The following ADAM7 variants were observed in gnomAD, a reference collection of about 807,000 sequenced individuals.
ADAM7 encodes ADAM metallopeptidase domain 7.
In ADAM7, 97 loss-of-function variants were observed where a neutral mutation model predicts 102.9. The ratio of observed to expected loss-of-function variants is 0.94; its 90% confidence interval spans 0.80 to 1.12. The LOEUF (loss-of-function observed/expected upper bound fraction) is 1.12, where lower values mean the gene tolerates loss of function less well. Among genes scored for constraint, ADAM7 ranks in the 50% most tolerant of loss-of-function variants. The probability of loss-of-function intolerance (pLI) is 0.00; values close to 1 mark genes in which losing one functional copy is unlikely to be tolerated. For synonymous variants in ADAM7, 334 were observed against 304.4 expected (o/e 1.10, Z -1.01); for missense variants, 991 against 908.7 (o/e 1.09, Z -1.16).
intron 2 of ADAM7, among the ~76,000 whole-genome samples, chr8:24,444,267 TAATA>T (rs976253160): frequency 4.9e-4 from 73 of 150,316 alleles, no homozygotes; most frequent in African/African-American, 1.4e-3. Flanking sequence ...AAATAATATA[TAATA>T]AATAAATAAA....
At chr8:24,482,374 A>T (rs1819981395) in intron 9 of ADAM7, 63 bp downstream of exon 9, 3 of 1,461,286 alleles carry the variant, frequency 2.1e-6, no homozygotes, top group Non-Finnish European at 2.7e-6. Flanking sequence ...AAACAAAAAA[A>T]AATTAACAGA....
At chr8:24,472,639 T>C (rs1228675826) in intron 7 of ADAM7, among the ~76,000 whole-genome samples, 3 of 152,094 alleles carry the variant, frequency 2.0e-5, no homozygotes, top group Non-Finnish European at 2.9e-5. Flanking sequence ...ATTTAAACAG[T>C]TTTATTAAGA....
At chr8:24,453,444 G>A (rs1386504064) in intron 3 of ADAM7, among the ~76,000 whole-genome samples, 14 of 151,654 alleles carry the variant, frequency 9.2e-5, no homozygotes, top group Non-Finnish European at 1.8e-4. Flanking sequence ...TGATCACATC[G>A]GCTCCTGAGG....
chr8:24,499,392 G>C, intron 17 of ADAM7, 76 bp downstream of exon 17: 6 of 989,092 alleles, frequency 6.1e-6, no homozygotes, highest in Non-Finnish European at 8.8e-6. Context: ...ATATGTGCAT[G>C]TATATGTATG....
At chr8:24,443,836 G>A (rs1214034383) in intron 2 of ADAM7, among the ~76,000 whole-genome samples, 1 of 152,024 alleles carries the variant, frequency 6.6e-6, no homozygotes, top group Non-Finnish European at 1.5e-5. Flanking sequence ...TACTCCGGAG[G>A]CTGAGGTGAA....
At chr8:24,463,357 T>C (rs920559558) in intron 3 of ADAM7, among the ~76,000 whole-genome samples, 4 of 152,116 alleles carry the variant, frequency 2.6e-5, no homozygotes, top group Admixed American at 1.3e-4. Flanking sequence ...TCACTATAGA[T>C]ATAGAGACCA....
At chr8:24,450,704 G>C (rs1303810490) in intron 3 of ADAM7, among the ~76,000 whole-genome samples, 1 of 151,572 alleles carries the variant, frequency 6.6e-6, no homozygotes, top group African/African-American at 2.4e-5. Context: ...GGAGTGGTGA[G>C]AGAGGGCATC....
intron 9 of ADAM7, among the ~76,000 whole-genome samples, chr8:24,482,995 C>A (rs1820011901): frequency 6.6e-6 from 1 of 152,054 alleles, no homozygotes; most frequent in African/African-American, 2.4e-5. Context: ...TGGGAAAGCA[C>A]CTCACTCTCT....
At position 24,465,831 on chromosome 8, in the gene ADAM7, A is replaced by C. The variant is rs958754043; in HGVS notation, c.389+56A>C. 3 of 1,379,650 alleles carry C rather than the reference A, an allele frequency of 2.2e-6. No individual in the cohort carries two copies. The African/African-American group carries it at 4.4e-5, about 20-fold the overall frequency. 85.5% of individuals were successfully genotyped at this position (1,379,650 alleles called of 1,614,324 possible). ...TGAGTTTTCCTATGGATTTTCAAAG[A>C]AGTTAACTTTGTTGATTTTGTTTTA... On this transcript the variant is annotated intron_variant, in intron 5 of 21. Coordinates refer to ENST00000175238, the MANE Select transcript of ADAM7 (RefSeq NM_003817.4).
intron 13 of ADAM7, among the ~76,000 whole-genome samples, chr8:24,491,586 G>T (rs1820356701): frequency 6.6e-6 from 1 of 152,232 alleles, no homozygotes; most frequent in South Asian, 2.1e-4. Context: ...GGTAGGCAGG[G>T]TATGTACTGG....
At chr8:24,491,045 T>A (rs1228697218) in intron 13 of ADAM7, among the ~76,000 whole-genome samples, 157 bp downstream of exon 13, 1 of 152,126 alleles carries the variant, frequency 6.6e-6, no homozygotes, top group African/African-American at 2.4e-5. Flanking sequence ...TGCTCCAACA[T>A]CTGAGCATTG....
chr8:24,468,972 T>G lies in ADAM7; in HGVS notation c.633+152T>G, dbSNP rs1215226309. On this transcript the variant is annotated intron_variant, in intron 7 of 21. Coordinates refer to ENST00000175238, the MANE Select transcript of ADAM7 (RefSeq NM_003817.4). ...TCCCAAAACAGACATACATAAGAGA[T>G]TATGGGGTCCTTTGCCACAATAGCA... is the stretch of plus-strand genomic sequence containing the variant. 5 of 654,214 alleles carry G rather than the reference T, an allele frequency of 7.6e-6. No individual in the cohort carries two copies. In the East Asian group the frequency reaches 1.2e-4, roughly 15 times the overall value. 40.5% of individuals were successfully genotyped at this position (654,214 alleles called of 1,614,324 possible). A position where few individuals can be genotyped will look rare whatever the true frequency, so the allele number is the denominator to read the frequency against.
rs553160802 is a variant in ADAM7 at position 24,447,871 on chromosome 8, CAGAA to C, written c.233+617_233+620del. Among the ~76,000 whole-genome samples, 19 of 151,278 alleles carry C rather than the reference CAGAA, an allele frequency of 1.3e-4. No homozygotes were observed. In the South Asian group the frequency reaches 1.7e-3, roughly 13 times the overall value. On this transcript the variant is annotated intron_variant, in intron 3 of 21. Coordinates refer to ENST00000175238, the MANE Select transcript of ADAM7 (RefSeq NM_003817.4). ...GGATGAGGAGCTGTCAAATGCTAAG[CAGAA>C]AGAAAGAGTGACACTACTGGGGAAT...
chr8:24,454,590 G>C (rs1036832698), intron 3 of ADAM7, among the ~76,000 whole-genome samples: 2 of 152,188 alleles, frequency 1.3e-5, no homozygotes, highest in Non-Finnish European at 2.9e-5. Flanking sequence ...GGAACTCCCT[G>C]ATCCCTTGCG....
intron 3 of ADAM7, among the ~76,000 whole-genome samples, chr8:24,453,527 T>G (rs1818882604): frequency 6.6e-6 from 1 of 152,188 alleles, no homozygotes; most frequent in Non-Finnish European, 1.5e-5. Context: ...CTTCTCTGTA[T>G]TGGTTATTCT....
intron 19 of ADAM7, among the ~76,000 whole-genome samples, 182 bp downstream of exon 19, chr8:24,501,077 C>T (rs902667705): frequency 1.3e-5 from 2 of 152,092 alleles, no homozygotes; most frequent in Admixed American, 6.6e-5. Flanking sequence ...ATCAATGATT[C>T]CCAAACTTGT....
intron 3 of ADAM7, among the ~76,000 whole-genome samples, chr8:24,450,012 T>G (rs1818719967): frequency 6.6e-6 from 1 of 152,182 alleles, no homozygotes. Context: ...GATCTATATC[T>G]CTGTTTTGGT....
chr8:24,500,281 T>G (rs762758984), intron 18 of ADAM7, 25 bp downstream of exon 18: 25 of 1,590,320 alleles, frequency 1.6e-5, no homozygotes, highest in Non-Finnish European at 2.0e-5. Flanking sequence ...ACAAAATCTT[T>G]CATATATCAA....
rs1821036963 is a variant in ADAM7 at position 24,509,038 on chromosome 8, G to C, written c.*492G>C. 2.0e-6 allele frequency: 2 copies of C among 988,008 alleles called. No homozygotes were observed. The highest frequency in any genetic ancestry group is 2.4e-6 in the Non-Finnish European group (2 of 831,870). The allele number at this position is 988,008 out of a possible 1,614,324, so 61.2% of individuals were successfully genotyped here. ...AATGCCAAAGAAGGCAGGGCAGAGC[G>C]GCACGGATTCTAGGTAATTAAAAGT... is the stretch of plus-strand genomic sequence containing the variant. On this transcript the variant is annotated 3_prime_UTR_variant, in exon 22 of 22. Transcript: ENST00000175238.
Sources: allele counts gnomAD v4.1 joint callset (sites outside exome capture counted in the v4.1 genomes callset), GRCh38; gene constraint gnomAD v4.1.1; transcripts MANE v1.5; gene names NCBI Gene and HGNC (gene_info 2026-07-23, HGNC 2026-07-21).